Variants in SCAPER observed in about 807,000 individuals in gnomAD.
SCAPER encodes the protein S-phase cyclin A associated protein in the ER.
Under a neutral mutation model 182.2 loss-of-function variants are expected in SCAPER, and 98 were observed. The ratio of observed to expected loss-of-function variants is 0.54; its 90% confidence interval spans 0.46 to 0.64. The LOEUF (loss-of-function observed/expected upper bound fraction) is 0.64, where lower values mean the gene tolerates loss of function less well. Ranked by LOEUF, SCAPER falls within the 30% of genes least tolerant of loss-of-function variation. The pLI, the probability that SCAPER is intolerant of heterozygous loss-of-function variation, is 0.00. For synonymous variants in SCAPER, 605 were observed against 564.6 expected (o/e 1.07, Z -1.01); for missense variants, 1,432 against 1,690.0 (o/e 0.85, Z 2.68).
intron 23 of SCAPER, among the ~76,000 whole-genome samples, chr15:76,542,547 T>A (rs200231560): frequency 8.9e-5 from 12 of 135,260 alleles, no homozygotes; most frequent in East Asian, 6.9e-4. Flanking sequence ...AATAAATAAA[T>A]AAAAATAAAA....
chr15:76,487,124 C>T lies in SCAPER; in HGVS notation c.2955-15789G>A, dbSNP rs1462810759. ...ACATATTCTCACTTGTAAGTGGCAG[C>T]TAAATAATGAGAACACATGGACACA... is the stretch of plus-strand genomic sequence containing the variant. On this transcript the variant is annotated intron_variant, in intron 24 of 31. Transcript: ENST00000563290. Among the ~76,000 whole-genome samples, 3 of 152,080 alleles carry T rather than the reference C, an allele frequency of 2.0e-5. No individual in the cohort carries two copies. The East Asian group carries it at 5.8e-4, about 29-fold the overall frequency.
intron 26 of SCAPER, among the ~76,000 whole-genome samples, chr15:76,414,112 G>A (rs1469096791): frequency 6.6e-6 from 1 of 152,050 alleles, no homozygotes; most frequent in Admixed American, 6.6e-5. Flanking sequence ...ATGTTGATCT[G>A]TAATTTTATT....
At chr15:76,442,390 C>A (rs1171752570) in intron 25 of SCAPER, among the ~76,000 whole-genome samples, 1 of 152,152 alleles carries the variant, frequency 6.6e-6, no homozygotes, top group East Asian at 1.9e-4. Flanking sequence ...AGTTCCAGTG[C>A]CTAAATATTT....
intron 5 of SCAPER, among the ~76,000 whole-genome samples, chr15:76,831,346 G>A (rs1190643938): frequency 6.6e-6 from 1 of 152,040 alleles, no homozygotes; most frequent in Non-Finnish European, 1.5e-5. Context: ...TGGCCCCACT[G>A]AAATGCTTGT....
At chr15:76,540,582 T>C (rs188581758) in intron 23 of SCAPER, among the ~76,000 whole-genome samples, 2 of 152,202 alleles carry the variant, frequency 1.3e-5, no homozygotes, top group Non-Finnish European at 2.9e-5. Flanking sequence ...GAAATATGCA[T>C]AGAAAAAGTC....
rs775519725 is a variant in SCAPER at position 76,471,198 on chromosome 15, A to G, written c.3078+14T>C. ...CCTTAACTGCTTCTAACTCAAAGCAATAATATTACATACCGTCAACTGGTG... is the reference window on the plus strand; with the variant it reads ...CCTTAACTGCTTCTAACTCAAAGCAGTAATATTACATACCGTCAACTGGTG... On this transcript the variant is annotated intron_variant, in intron 25 of 31. Transcript: ENST00000563290. 14 of 1,593,176 alleles carry G rather than the reference A, an allele frequency of 8.8e-6. No individual in the cohort carries two copies. In the Admixed American group the frequency reaches 9.0e-5, roughly 10 times the overall value.
At chr15:76,885,711 T>C (rs763343901) in intron 1 of SCAPER, among the ~76,000 whole-genome samples, 9 of 152,076 alleles carry the variant, frequency 5.9e-5, no homozygotes, top group African/African-American at 1.2e-4. Context: ...TCTCGAACTA[T>C]TGGGCTCAAG....
chr15:76,454,101 C>T (rs559514044), intron 25 of SCAPER, among the ~76,000 whole-genome samples: 1 of 152,296 alleles, frequency 6.6e-6, no homozygotes, highest in Admixed American at 6.5e-5. Flanking sequence ...CCGGCTAGAG[C>T]TCTCACCACT....
Position 76,373,485 on chromosome 15 carries a change from T to C in SCAPER, c.3855+2677A>G, listed in dbSNP as rs186947304. On this transcript the variant is annotated intron_variant, in intron 29 of 31. Transcript: ENST00000563290. ...TGATTTCCCTCAACTTTCCTTCCCC[T>C]GAGCAGTTTGTAAGAGATCTGTGAA... is the stretch of plus-strand genomic sequence containing the variant. 6.2e-3 allele frequency among the ~76,000 whole-genome samples: 948 copies of C among 152,266 alleles called. 5 individuals carry two copies. The highest frequency in any genetic ancestry group is 9.8e-3 in the Non-Finnish European group (669 of 68,014).
At chr15:76,533,164 G>A (rs908247950) in intron 23 of SCAPER, among the ~76,000 whole-genome samples, 1 of 152,168 alleles carries the variant, frequency 6.6e-6, no homozygotes, top group Non-Finnish European at 1.5e-5. Flanking sequence ...GAGTAAGTAG[G>A]GGCTGGCTTT....
intron 27 of SCAPER, among the ~76,000 whole-genome samples, chr15:76,399,320 T>C (rs1464738428): frequency 6.6e-6 from 1 of 152,068 alleles, no homozygotes; most frequent in Non-Finnish European, 1.5e-5. Context: ...GTATTTTTAG[T>C]AGAGATGGGG....
chr15:76,459,561 T>C (rs2048999355), intron 25 of SCAPER, among the ~76,000 whole-genome samples: 1 of 151,220 alleles, frequency 6.6e-6, no homozygotes, highest in Non-Finnish European at 1.5e-5. Context: ...TTTTTGCTGT[T>C]GTATACTCTG....
intron 27 of SCAPER, among the ~76,000 whole-genome samples, chr15:76,397,474 CTTTTTTTTTTT>C (rs71143321): frequency 1.4e-5 from 1 of 71,540 alleles, no homozygotes; most frequent in Non-Finnish European, 2.5e-5. Flanking sequence ...TATTGGCAGA[CTTTTTTTTTTT>C]TTTTTTTTTT....
At chr15:76,578,364 T>TG (rs2048013292) in intron 22 of SCAPER, among the ~76,000 whole-genome samples, 1 of 151,976 alleles carries the variant, frequency 6.6e-6, no homozygotes, top group African/African-American at 2.4e-5. Flanking sequence ...CAAACAAAGG[T>TG]GGTAGCCAGG....
rs374346780 is a variant in SCAPER, at chr15:76,885,116, T to C, written c.-59-1240A>G. ...TTATGGTGATGGCTGCAAAACTCTG[T>C]GAATATACTAAAAACCATTTTTAAA... On this transcript the variant is annotated intron_variant, in intron 1 of 31. Transcript: ENST00000563290. Among the ~76,000 whole-genome samples the C allele has an allele frequency of 4.6e-5, 7 of 152,340 alleles. No individual in the cohort carries two copies. The East Asian group carries it at 9.6e-4, about 21-fold the overall frequency.
intron 4 of SCAPER, among the ~76,000 whole-genome samples, chr15:76,855,533 G>C (rs2071272734): frequency 6.7e-6 from 1 of 149,690 alleles, no homozygotes; most frequent in Non-Finnish European, 1.5e-5. Context: ...TCTGACAGAG[G>C]TTTAATATCT....
At position 76,598,879 on chromosome 15, in the gene SCAPER, C is replaced by A. The variant is rs1210218607; in HGVS notation, c.2711+22885G>T. Among the ~76,000 whole-genome samples, 5 of 116,074 alleles carry A rather than the reference C, an allele frequency of 4.3e-5. 1 individual carries two copies. Among genetic ancestry groups the A allele is most frequent in the Admixed American group, 2.0e-4 (2 of 9,856 alleles). The allele number at this position is 116,074 out of a possible 152,430, so 76.1% of individuals were successfully genotyped here. On this transcript the variant is annotated intron_variant, in intron 22 of 31. Coordinates refer to ENST00000563290, the MANE Select transcript of SCAPER (RefSeq NM_020843.4). ...ACGGGTTGATGGGTGCAGCATGGCA[C>A]ATGTATACCTACGTAACCTGTATGT...
intron 5 of SCAPER, among the ~76,000 whole-genome samples, chr15:76,808,848 C>A (rs1415721043): frequency 2.0e-5 from 3 of 152,164 alleles, no homozygotes; most frequent in Non-Finnish European, 2.9e-5. Context: ...GCAGTCTGAA[C>A]AAGAATATGG....
intron 29 of SCAPER, among the ~76,000 whole-genome samples, chr15:76,373,849 C>T (rs1439487702): frequency 6.6e-6 from 1 of 152,038 alleles, no homozygotes; most frequent in Non-Finnish European, 1.5e-5. Flanking sequence ...GCTTAGTGTC[C>T]CTCTGAACCC....
Sources: allele counts gnomAD v4.1 joint callset (sites outside exome capture counted in the v4.1 genomes callset), GRCh38; gene constraint gnomAD v4.1.1; transcripts MANE v1.5; gene names NCBI Gene and HGNC (gene_info 2026-07-23, HGNC 2026-07-21).